ROR2: variants seen among roughly 807,000 people sequenced by gnomAD.
ROR2 encodes the protein ROR family WNT receptor 2.
ROR2 carries 33 observed loss-of-function variants against 74.9 expected under a neutral mutation model. That is an observed-to-expected ratio of 0.44 (90% confidence interval 0.33 to 0.59). ROR2 has a LOEUF of 0.59. Ranked by LOEUF, ROR2 falls within the 20% of genes least tolerant of loss-of-function variation. ROR2 has a pLI of 0.02. For missense variants in ROR2, 1,216 were observed against 1,313.8 expected (o/e 0.93, Z 1.15); for synonymous variants, 586 against 558.7 (o/e 1.05, Z -0.69).
chr9:91,877,449 G>A (rs1172249467), intron 1 of ROR2, among the ~76,000 whole-genome samples: 4 of 152,158 alleles, frequency 2.6e-5, no homozygotes, highest in Non-Finnish European at 1.5e-5. Context: ...CCCAGTAAGG[G>A]GTCTTGCGAC....
rs762261369 is a variant in ROR2, at chr9:91,730,920, T to C, written c.1173A>G (p.Val391=). 6.2e-7 allele frequency: 1 copy of C among 1,614,088 alleles called. No homozygotes were observed. The highest frequency in any genetic ancestry group is 2.2e-5 in the East Asian group (1 of 44,882). ...NKNVRMELCD[V]PSCSPRDSSK... ...AGAGAGAATACATACTACACGAGGG[T>C]ACGTCACACAGTTCCATGCGTACGT... is the stretch of plus-strand genomic sequence containing the variant. The change falls in exon 7 of 9, where the codon GTA becomes GTG. Residue 391 remains valine (V), a synonymous_variant. Coordinates refer to ENST00000375708, the MANE Select transcript of ROR2 (RefSeq NM_004560.4).
chr9:91,839,626 TTG>T (rs1369831878), intron 1 of ROR2, among the ~76,000 whole-genome samples: 1 of 150,926 alleles, frequency 6.6e-6, no homozygotes, highest in Non-Finnish European at 1.5e-5. Context: ...GTGGTATATA[TTG>T]TGTGTGTGGT....
At chr9:91,773,083 AAAG>A (rs1370571102) in intron 2 of ROR2, among the ~76,000 whole-genome samples, 30 of 152,172 alleles carry the variant, frequency 2.0e-4, no homozygotes, top group African/African-American at 7.0e-4. Context: ...CACTCCACTT[AAAG>A]AACAGCTCCC....
chr9:91,846,973 G>A (rs1001243447), intron 1 of ROR2, among the ~76,000 whole-genome samples: 3 of 152,160 alleles, frequency 2.0e-5, no homozygotes, highest in African/African-American at 4.8e-5. Flanking sequence ...GATAACCACA[G>A]GGTACCGCAT....
chr9:91,916,080 G>T (rs1831125724), intron 1 of ROR2, among the ~76,000 whole-genome samples: 1 of 152,162 alleles, frequency 6.6e-6, no homozygotes, highest in South Asian at 2.1e-4. Flanking sequence ...GGATGTATGT[G>T]AAGTCACATC....
intron 2 of ROR2, among the ~76,000 whole-genome samples, chr9:91,767,263 C>A (rs144335573): frequency 6.6e-6 from 1 of 151,992 alleles, no homozygotes; most frequent in Non-Finnish European, 1.5e-5. Context: ...TTAATAGAGA[C>A]GGGGTTTCAC....
chr9:91,761,769 A>C (rs1280436377), intron 2 of ROR2, among the ~76,000 whole-genome samples: 1 of 152,114 alleles, frequency 6.6e-6, no homozygotes, highest in African/African-American at 2.4e-5. Context: ...TCAGGAAAGG[A>C]CCTCTCAAAA....
At chr9:91,889,747 G>C (rs184050768) in intron 1 of ROR2, among the ~76,000 whole-genome samples, 1,562 of 152,312 alleles carry the variant, frequency 0.01, 13 homozygotes, top group Non-Finnish European at 0.016. Context: ...GGAATTTCTT[G>C]AAGTCCAAAA....
chr9:91,812,779 A>G (rs974121324), intron 1 of ROR2, among the ~76,000 whole-genome samples: 6 of 152,112 alleles, frequency 3.9e-5, no homozygotes, highest in Non-Finnish European at 8.8e-5. Flanking sequence ...TTTGGCCAAA[A>G]AATAAAAAGA....
intron 2 of ROR2, among the ~76,000 whole-genome samples, chr9:91,769,114 C>T (rs924717107): frequency 6.6e-6 from 1 of 152,108 alleles, no homozygotes; most frequent in African/African-American, 2.4e-5. Context: ...TGACTTGGAA[C>T]CTAAGAATGA....
chr9:91,813,193 TCTC>T (rs780025432), intron 1 of ROR2, among the ~76,000 whole-genome samples: 1 of 151,912 alleles, frequency 6.6e-6, no homozygotes, highest in Admixed American at 6.6e-5. Flanking sequence ...ATAACAAAGA[TCTC>T]CTCCTGGCAC....
At chr9:91,928,402 C>T (rs1831465020) in intron 1 of ROR2, among the ~76,000 whole-genome samples, 1 of 152,234 alleles carries the variant, frequency 6.6e-6, no homozygotes, top group South Asian at 2.1e-4. Flanking sequence ...TGTAAAATCC[C>T]TCTGGCACCA....
At chr9:91,777,413 T>C (rs1380442838) in intron 1 of ROR2, among the ~76,000 whole-genome samples, 2 of 149,072 alleles carry the variant, frequency 1.3e-5, no homozygotes, top group Non-Finnish European at 3.0e-5. Flanking sequence ...ACACACCCCA[T>C]CATCATCATC....
At chr9:91,735,773 T>C (rs1825003439) in intron 5 of ROR2, among the ~76,000 whole-genome samples, 1 of 151,876 alleles carries the variant, frequency 6.6e-6, no homozygotes, top group African/African-American at 2.4e-5. Flanking sequence ...CCCGCCACCA[T>C]GCCCAGCTAA....
At chr9:91,901,961 A>G (rs1051446250) in intron 1 of ROR2, among the ~76,000 whole-genome samples, 1 of 152,224 alleles carries the variant, frequency 6.6e-6, no homozygotes, top group African/African-American at 2.4e-5. Flanking sequence ...AGGCCAACAG[A>G]GCCAGAGGCA....
intron 2 of ROR2, among the ~76,000 whole-genome samples, chr9:91,768,538 G>A (rs12685849): frequency 0.053 from 8,017 of 152,240 alleles, 285 homozygotes; most frequent in East Asian, 0.1. Flanking sequence ...GTCACCCGCA[G>A]GAGGAAGAAC....
chr9:91,908,935 C>T (rs1338819539), intron 1 of ROR2, among the ~76,000 whole-genome samples: 2 of 152,150 alleles, frequency 1.3e-5, no homozygotes, highest in Admixed American at 6.6e-5. Context: ...CCTTCCATCA[C>T]CCCAAATTAG....
intron 1 of ROR2, among the ~76,000 whole-genome samples, chr9:91,943,374 T>C (rs1831928368): frequency 6.6e-6 from 1 of 151,824 alleles, no homozygotes; most frequent in African/African-American, 2.4e-5. Flanking sequence ...GGTGCATAAT[T>C]TAACATAATA....
intron 1 of ROR2, among the ~76,000 whole-genome samples, chr9:91,839,464 G>C (rs879679246): frequency 1.3e-5 from 2 of 151,322 alleles, no homozygotes; most frequent in Non-Finnish European, 1.5e-5. Flanking sequence ...GTGTGTATAT[G>C]TGAGGTGTAT....
Sources: allele counts gnomAD v4.1 joint callset (sites outside exome capture counted in the v4.1 genomes callset), GRCh38; gene constraint gnomAD v4.1.1; transcripts MANE v1.5; gene names NCBI Gene and HGNC (gene_info 2026-07-23, HGNC 2026-07-21).